CYP2A7: variants seen among roughly 807,000 people sequenced by gnomAD.
CYP2A7 encodes the protein cytochrome P450 2A7.
A neutral mutation model predicts 42.0 loss-of-function variants in CYP2A7; 36 were observed. The ratio of observed to expected loss-of-function variants is 0.86; its 90% CI spans 0.66 to 1.13. The LOEUF (loss-of-function observed/expected upper bound fraction) is 1.13. CYP2A7 is among the 50% of genes most tolerant of loss of function. The pLI is 0.00. For missense variants in CYP2A7, 661 were observed against 634.1 expected, an observed-to-expected ratio of 1.04 and a Z score of -0.46; for synonymous variants, 260 against 249.5, an observed-to-expected ratio of 1.04 and a Z score of -0.40.
chr19:40,877,036 GGA>G (rs1967548913), intron 7 of CYP2A7, 152 bp downstream of exon 7: 1 of 833,858 alleles, frequency 1.2e-6, no homozygotes, highest in Non-Finnish European at 1.9e-6. Context: ...GTGTCTAAGT[GGA>G]AAGGTGGAAT....
chr19:40,879,799 A>G lies in CYP2A7; in HGVS notation c.654+285T>C, dbSNP rs960945912. On this transcript the variant is annotated intron_variant, in intron 4 of 8. Coordinates refer to ENST00000301146, the MANE Select transcript of CYP2A7 (RefSeq NM_000764.3). ...AAGAACTGGGTAGGGAGCATCTGTT[A>G]GAAATTACGGTAAGTTGGGGATGGG... Among the ~76,000 whole-genome samples, 6 of 150,754 alleles carry G rather than the reference A, an allele frequency of 4.0e-5. No individual in the cohort carries two copies. In the Admixed American group the frequency reaches 4.0e-4, roughly 10 times the overall value.
intron 8 of CYP2A7, 73 bp downstream of exon 8, chr19:40,876,454 A>C (rs1967531888): frequency 6.2e-7 from 1 of 1,606,808 alleles, no homozygotes; most frequent in South Asian, 1.1e-5. Context: ...GCTACACCGC[A>C]GAGAGGGGAG....
chr19:40,875,957 C>G lies in CYP2A7; in HGVS notation c.1304-83G>C, dbSNP rs1967520987. On this transcript the variant is annotated intron_variant, in intron 8 of 8. Coordinates refer to ENST00000301146, the MANE Select transcript of CYP2A7 (RefSeq NM_000764.3). ...CCAGTACCGACCTCCAGCTGCGGCT[C>G]TCCCAGGGAGGAGGGGTGGAATATT... The G allele has an allele frequency of 2.7e-6, 4 of 1,481,568 alleles. No homozygotes were observed. The South Asian group carries it at 5.5e-5, about 20-fold the overall frequency. 91.8% of individuals were successfully genotyped at this position (1,481,568 alleles called of 1,614,324 possible). A position where few individuals can be genotyped will look rare whatever the true frequency, so the allele number is the denominator to read the frequency against.
At position 40,881,449 on chromosome 19, in the gene CYP2A7, G is replaced by A. The variant is rs148166246; in HGVS notation, c.343+140C>T. 391 of 1,433,016 alleles carry A rather than the reference G, an allele frequency of 2.7e-4. 3 individuals are homozygous for A. Among genetic ancestry groups the A allele is most frequent in the African/African-American group, 1.9e-3 (136 of 70,944 alleles). 88.8% of individuals were successfully genotyped at this position (1,433,016 alleles called of 1,614,324 possible). A position where few individuals can be genotyped will look rare whatever the true frequency, so the allele number is the denominator to read the frequency against. ...GAGGGATACACATGGAGAGGCCACA[G>A]TGAAGGGAGATGGGGAGATAAGACC... is the stretch of plus-strand genomic sequence containing the variant. On this transcript the variant is annotated intron_variant, in intron 2 of 8. Coordinates refer to ENST00000301146, the MANE Select transcript of CYP2A7 (RefSeq NM_000764.3).
intron 4 of CYP2A7, 83 bp downstream of exon 4, chr19:40,880,001 G>A: frequency 1.3e-6 from 2 of 1,579,170 alleles, no homozygotes; most frequent in Non-Finnish European, 1.7e-6. Flanking sequence ...AGCGGGGTGG[G>A]AGTTTGGGGC....
chr19:40,876,638 C>T lies in CYP2A7; in HGVS notation c.1192G>A (p.Val398Met), dbSNP rs138869707. ...GAGAAGAAGCTGGGGTCTCTCAGCA[C>T]GGAGCCCAGCATAGGGAACACTTCG... The part of the protein sequence containing the change: ...GTEVFPMLGS[V>M]LRDPSFFSNP... The change falls in exon 8 of 9, where the codon GTG becomes ATG. Residue 398 changes from valine to methionine, a missense_variant. Physicochemically the swap from Val to Met is conservative, Grantham distance 21. Transcript: ENST00000301146. The T allele has an allele frequency of 4.6e-3, 7,497 of 1,612,776 alleles. 206 individuals carry two copies. Among genetic ancestry groups the T allele is most frequent in the Middle Eastern group, 5.8e-3 (35 of 6,060 alleles).
chr19:40,878,669 G>C (rs1967590194), intron 5 of CYP2A7, 91 bp downstream of exon 5: 4 of 1,527,518 alleles, frequency 2.6e-6, no homozygotes, highest in Admixed American at 3.9e-5. Context: ...GGGCTAATTT[G>C]AACGGGTCTG....
chr19:40,876,364 G>A, intron 8 of CYP2A7, 163 bp downstream of exon 8: 2 of 1,177,204 alleles, frequency 1.7e-6, no homozygotes, highest in South Asian at 1.3e-5. Context: ...CAGGTACTGG[G>A]TGCTTGGTAG....
intron 1 of CYP2A7, 72 bp downstream of exon 1, chr19:40,881,959 T>A (rs1003992968): frequency 1.3e-6 from 2 of 1,565,408 alleles, no homozygotes; most frequent in Non-Finnish European, 1.7e-6. Flanking sequence ...CACTGGTCAA[T>A]CCCCTGCCAC....
At position 40,882,140 on chromosome 19, in the gene CYP2A7, C is replaced by G; in HGVS notation, c.71G>C (p.Trp24Ser). ...CLTVMVLMSVWQQRKSRGKLP... is the reference protein window; with the variant it reads ...CLTVMVLMSVSQQRKSRGKLP... ...CTTCCCCCTGCTCTTCCTCTGCTGC[C>G]AGACAGACATCAAGACCATCACAGT... Residue 24 changes from tryptophan (W) to serine (S), a missense_variant, in exon 1 of 9, where the codon TGG becomes TCG. Coordinates refer to ENST00000301146, the MANE Select transcript of CYP2A7 (RefSeq NM_000764.3). The G allele has an allele frequency of 6.2e-7, 1 of 1,613,958 alleles. No individual in the cohort carries two copies. The highest frequency in any genetic ancestry group is 8.5e-7 in the Non-Finnish European group (1 of 1,179,892).
rs1295118160 is a variant in CYP2A7 at position 40,881,681 on chromosome 19, T to C, written c.251A>G (p.His84Arg). ...GPRRVVVLCG[H>R]DAVREALVDQ... Reference sequence around the variant, plus strand: ...CACCAGAGCCTCCCTGACGGCATCATGTCCACACAGCACCACGACCCGCCG... The same window carrying C: ...CACCAGAGCCTCCCTGACGGCATCACGTCCACACAGCACCACGACCCGCCG... Residue 84 changes from histidine to arginine, a missense_variant, in exon 2 of 9, where the codon CAT (histidine) becomes CGT (arginine). By Grantham distance (29) the His-to-Arg change is conservative (BLOSUM62 0). This residue lies in a region of CYP2A7 where 614 missense variants were observed against 552.4 expected (regional missense o/e 1.11). Transcript: ENST00000301146. 12 of 1,613,222 alleles carry C rather than the reference T, an allele frequency of 7.4e-6. No homozygotes were observed. The highest frequency in any genetic ancestry group is 1.7e-5 in the Admixed American group (1 of 59,954).
intron 4 of CYP2A7, among the ~76,000 whole-genome samples, 155 bp downstream of exon 4, chr19:40,879,929 C>G (rs12973598): frequency 0.5 from 75,264 of 150,676 alleles, 19,638 homozygotes; most frequent in Admixed American, 0.62. Context: ...TGGAGACAGG[C>G]TTCTGGTGCA....
At chr19:40,880,443 C>T in intron 3 of CYP2A7, 36 bp downstream of exon 3, 3 of 1,603,826 alleles carry the variant, frequency 1.9e-6, no homozygotes, top group Non-Finnish European at 2.6e-6. Context: ...GGGTGTTTTC[C>T]TTCTCCTGCC....
rs763258740 is a variant in CYP2A7, at chr19:40,878,874, C to T, written c.717G>A (p.Lys239=). ...TGAAGTCCTCCAGCCCTTGCAGCAA[C>T]TTAAAGGCCTGTTGCTGTGGTCCTG... ...HLPGPQQQAF[K]LLQGLEDFIA... Residue 239 remains lysine, a synonymous_variant, in exon 5 of 9, where the codon AAG becomes AAA. Coordinates refer to ENST00000301146, the MANE Select transcript of CYP2A7 (RefSeq NM_000764.3). 8.7e-6 allele frequency: 14 copies of T among 1,610,748 alleles called. No homozygotes were observed. The highest frequency in any genetic ancestry group is 1.3e-5 in the African/African-American group (1 of 74,842).
chr19:40,876,315 T>C, intron 8 of CYP2A7: 2 of 755,516 alleles, frequency 2.6e-6, no homozygotes, highest in South Asian at 3.5e-5. Flanking sequence ...GAGAAATACA[T>C]CTACGGGGAA....
Position 40,877,929 on chromosome 19 carries a change from A to G in CYP2A7, c.896T>C (p.Phe299Ser). The part of the protein sequence containing the change: ...KNLMMSTLNL[F>S]IAGTETVSTT... Reference sequence around the variant, plus strand: ...GCTGACCGTCTCGGTGCCTGCAATGAAGAGGTTCAACGTGCTCATCATCAG... The same window carrying G: ...GCTGACCGTCTCGGTGCCTGCAATGGAGAGGTTCAACGTGCTCATCATCAG... The change falls in exon 6 of 9, where the codon TTC becomes TCC. Residue 299 changes from phenylalanine to serine, a missense_variant. Phe to Ser is a radical substitution (Grantham distance 155). Coordinates refer to ENST00000301146, the MANE Select transcript of CYP2A7 (RefSeq NM_000764.3). 1 of 1,612,582 alleles carries G rather than the reference A, an allele frequency of 6.2e-7. No homozygotes were observed. The highest frequency in any genetic ancestry group is 1.3e-5 in the African/African-American group (1 of 74,934).
At chr19:40,881,804 G>T (rs1967699950) in intron 1 of CYP2A7, 53 bp from the exon 2 acceptor site, 1 of 1,596,774 alleles carries the variant, frequency 6.3e-7, no homozygotes, top group Admixed American at 1.7e-5. Context: ...CTCTGAATGG[G>T]GCCCAGCACC....
At chr19:40,880,806 A>G (rs1475892166) in intron 2 of CYP2A7, among the ~76,000 whole-genome samples, 178 bp from the exon 3 acceptor site, 289 of 4,184 alleles carry the variant, frequency 0.069, 9 homozygotes, top group Non-Finnish European at 0.11. Flanking sequence ...AGGGAGAGAG[A>G]GAGAGAGAGA....
intron 3 of CYP2A7, 63 bp from the exon 4 acceptor site, chr19:40,880,307 A>G (rs1462538062): frequency 6.3e-7 from 1 of 1,579,860 alleles, no homozygotes; most frequent in African/African-American, 1.4e-5. Flanking sequence ...GAGGAGAATC[A>G]GAATTCCAGG....
Sources: gnomAD v4.1 joint callset for allele counts (sites outside exome capture counted in the v4.1 genomes callset) on GRCh38, gnomAD v4.1.1 for gene constraint, gnomAD v4.1.1 regional missense constraint, MANE v1.5 for transcripts, NCBI Gene and HGNC (gene_info 2026-07-23, HGNC 2026-07-21) for gene names.